CCDC102B: variants seen among roughly 807,000 people sequenced by gnomAD.
The protein encoded by CCDC102B is coiled-coil domain containing 102B.
Under a neutral mutation model 57.4 loss-of-function variants are expected in CCDC102B, and 75 were observed. The observed-to-expected ratio is 1.31, with a 90% CI of 1.08 to 1.58. The LOEUF (loss-of-function observed/expected upper bound fraction) is 1.58, where lower values mean the gene tolerates loss of function less well. Among genes scored for constraint, CCDC102B ranks in the 40% most tolerant of loss-of-function variants. CCDC102B has a pLI of 0.00. For synonymous variants in CCDC102B, 206 were observed against 201.9 expected (o/e 1.02, Z -0.17); for missense variants, 636 against 582.6 (o/e 1.09, Z -0.94).
chr18:69,007,339 T>G (rs1019306151), intron 6 of CCDC102B, among the ~76,000 whole-genome samples: 2 of 152,158 alleles, frequency 1.3e-5, no homozygotes, highest in African/African-American at 4.8e-5. Flanking sequence ...CAACCCCAGG[T>G]GTAAGCAGGA....
At chr18:68,772,614 G>C (rs1408305542) in intron 2 of CCDC102B, among the ~76,000 whole-genome samples, 4 of 152,016 alleles carry the variant, frequency 2.6e-5, no homozygotes, top group Admixed American at 6.6e-5. Context: ...TATTTAAAAA[G>C]TTCTTTTGTT....
intron 1 of CCDC102B, among the ~76,000 whole-genome samples, chr18:68,799,664 A>G (rs1430855542): frequency 1.3e-5 from 2 of 152,186 alleles, no homozygotes; most frequent in Non-Finnish European, 2.9e-5. Context: ...GAAAAGTTCA[A>G]CTTCTTGAAC....
intron 7 of CCDC102B, among the ~76,000 whole-genome samples, chr18:69,051,043 C>T (rs2052691877): frequency 6.6e-6 from 1 of 152,006 alleles, no homozygotes; most frequent in East Asian, 1.9e-4. Context: ...TGCCACCAGG[C>T]CTGGCTATTT....
rs200230135 is a variant in CCDC102B, at chr18:68,897,294, G to A, written c.1129G>A (p.Glu377Lys). The stretch of plus-strand genomic sequence containing the variant: ...ACTTGAAAGAGAAAAGCAGGGACTG[G>A]AGAGAGAAAATAGAAGGCTGAAGAT... ...EILEREKQGLERENRRLKIQV... is the reference protein window; with the variant it reads ...EILEREKQGLKRENRRLKIQV... The change falls in exon 6 of 8, where the codon GAG becomes AAG. Residue 377 changes from glutamate (E) to lysine (K), a missense_variant. Coordinates refer to ENST00000360242, the MANE Select transcript of CCDC102B (RefSeq NM_024781.3). 441 of 1,613,060 alleles carry A rather than the reference G, an allele frequency of 2.7e-4. No individual in the cohort carries two copies. Among genetic ancestry groups the A allele is most frequent in the Non-Finnish European group, 3.5e-4 (412 of 1,179,352 alleles).
intron 5 of CCDC102B, among the ~76,000 whole-genome samples, chr18:68,886,833 T>C (rs564752151): frequency 2.6e-5 from 4 of 152,222 alleles, no homozygotes; most frequent in South Asian, 4.1e-4. Flanking sequence ...TGCATCTAGT[T>C]TGACATTCAC....
chr18:68,874,198 GTGTGTGTGTGTGTGTATA>G, intron 4 of CCDC102B, among the ~76,000 whole-genome samples: 1 of 133,522 alleles, frequency 7.5e-6, no homozygotes, highest in African/African-American at 2.7e-5. Flanking sequence ...GTGTGTGTGT[GTGTGTGTGTGTGTGTATA>G]TATATATACT....
At chr18:69,027,877 T>C (rs573437605) in intron 7 of CCDC102B, among the ~76,000 whole-genome samples, 4 of 152,132 alleles carry the variant, frequency 2.6e-5, no homozygotes, top group Non-Finnish European at 5.9e-5. Context: ...AATGAAAGAA[T>C]ATGTTGCCCT....
chr18:68,848,246 T>C (rs779623960), intron 4 of CCDC102B, among the ~76,000 whole-genome samples: 3 of 151,980 alleles, frequency 2.0e-5, no homozygotes, highest in Non-Finnish European at 4.4e-5. Context: ...TGATTCATTC[T>C]TTAAAATTTC....
At chr18:68,863,030 A>G (rs530811886) in intron 4 of CCDC102B, among the ~76,000 whole-genome samples, 1 of 151,904 alleles carries the variant, frequency 6.6e-6, no homozygotes, top group Admixed American at 6.6e-5. Flanking sequence ...TAAACCTAAA[A>G]AATTAAAAAT....
At chr18:68,748,525 C>G (rs1185392079) in intron 2 of CCDC102B, among the ~76,000 whole-genome samples, 1 of 152,034 alleles carries the variant, frequency 6.6e-6, no homozygotes, top group Non-Finnish European at 1.5e-5. Context: ...GAGTAATTTT[C>G]AATTCTTTCA....
intron 4 of CCDC102B, among the ~76,000 whole-genome samples, chr18:68,868,345 A>G (rs538418452): frequency 6.6e-6 from 1 of 152,278 alleles, no homozygotes; most frequent in South Asian, 2.1e-4. Flanking sequence ...GTTAAAGCTA[A>G]ACATAATTCA....
intron 2 of CCDC102B, among the ~76,000 whole-genome samples, chr18:68,724,520 C>G (rs2067786692): frequency 6.6e-6 from 1 of 152,202 alleles, no homozygotes; most frequent in African/African-American, 2.4e-5. Context: ...CAAAGTTCCA[C>G]AGATCTTTAG....
Position 69,024,410 on chromosome 18 carries a change from G to A in CCDC102B, c.1434+13306G>A, listed in dbSNP as rs542991855. 3.3e-5 allele frequency among the ~76,000 whole-genome samples: 5 copies of A among 152,100 alleles called. No homozygotes were observed. The South Asian group carries it at 1.0e-3, about 32-fold the overall frequency. Reference sequence around the variant, plus strand: ...ATTTTATCTTACATTACAATAAAATGGAGAATTTTTGAAATTTAAAAAGAT... The same window carrying A: ...ATTTTATCTTACATTACAATAAAATAGAGAATTTTTGAAATTTAAAAAGAT... On this transcript the variant is annotated intron_variant, in intron 7 of 7. Coordinates refer to ENST00000360242, the MANE Select transcript of CCDC102B (RefSeq NM_024781.3).
At chr18:68,994,981 G>A (rs2050982513) in intron 6 of CCDC102B, among the ~76,000 whole-genome samples, 1 of 152,326 alleles carries the variant, frequency 6.6e-6, no homozygotes, top group African/African-American at 2.4e-5. Flanking sequence ...ACTCCCTAGA[G>A]ACTTGTTGAA....
intron 6 of CCDC102B, among the ~76,000 whole-genome samples, chr18:68,977,027 T>A (rs936369203): frequency 1.3e-5 from 2 of 152,040 alleles, no homozygotes; most frequent in Non-Finnish European, 2.9e-5. Context: ...TTCATATATA[T>A]CCTATAAATC....
intron 6 of CCDC102B, among the ~76,000 whole-genome samples, chr18:68,932,202 T>A (rs1022527574): frequency 6.6e-6 from 1 of 151,890 alleles, no homozygotes; most frequent in African/African-American, 2.4e-5. Flanking sequence ...CTACCAGTAT[T>A]TCCATGAATT....
intron 2 of CCDC102B, among the ~76,000 whole-genome samples, chr18:68,740,379 C>T (rs1253200462): frequency 2.0e-5 from 3 of 152,100 alleles, no homozygotes; most frequent in Non-Finnish European, 4.4e-5. Flanking sequence ...TTTGTTTCCT[C>T]GAGTTGTAAG....
chr18:68,985,632 T>G (rs2050704130), intron 6 of CCDC102B, among the ~76,000 whole-genome samples: 1 of 152,116 alleles, frequency 6.6e-6, no homozygotes, highest in Non-Finnish European at 1.5e-5. Context: ...CTGTTGGTGC[T>G]TCTCTACTCA....
At chr18:68,899,293 T>G (rs1386569587) in intron 6 of CCDC102B, among the ~76,000 whole-genome samples, 1 of 152,082 alleles carries the variant, frequency 6.6e-6, no homozygotes, top group Admixed American at 6.6e-5. Context: ...ATCAGAGCTG[T>G]GTACAGAACA....
Sources: gnomAD v4.1 joint callset for allele counts (sites outside exome capture counted in the v4.1 genomes callset) on GRCh38, gnomAD v4.1.1 for gene constraint, MANE v1.5 for transcripts, NCBI Gene and HGNC (gene_info 2026-07-23, HGNC 2026-07-21) for gene names.